Variants in RBFOX1 observed in about 807,000 individuals in gnomAD.
RBFOX1 encodes RNA binding protein fox-1 homolog 1.
A neutral mutation model predicts 57.7 loss-of-function variants in RBFOX1; 8 were observed. That is an observed-to-expected ratio of 0.14 (90% CI 0.08 to 0.25). The LOEUF (loss-of-function observed/expected upper bound fraction) is 0.25, where lower values mean the gene tolerates loss of function less well. Ranked by LOEUF, RBFOX1 falls within the 10% of genes least tolerant of loss-of-function variation. The pLI is 1.00. For synonymous variants in RBFOX1, 326 were observed against 222.4 expected (o/e 1.47, Z -4.15); for missense variants, 611 against 548.5 (o/e 1.11, Z -1.14).
At chr16:6,048,412 A>G (rs2095517307) in intron 1 of RBFOX1, among the ~76,000 whole-genome samples, 1 of 152,314 alleles carries the variant, frequency 6.6e-6, no homozygotes, top group Middle Eastern at 3.4e-3. Flanking sequence ...AAACCTTCCA[A>G]ATTGTGATTT....
chr16:6,054,139 C>T (rs1267917802), intron 1 of RBFOX1, among the ~76,000 whole-genome samples: 1 of 152,092 alleles, frequency 6.6e-6, no homozygotes, highest in African/African-American at 2.4e-5. Flanking sequence ...CAGTTTGAAG[C>T]AGTGGAGGAA....
At chr16:5,907,032 C>T (rs574520304) in intron 4 of RBFOX1, among the ~76,000 whole-genome samples, 26 of 152,120 alleles carry the variant, frequency 1.7e-4, no homozygotes, top group African/African-American at 4.8e-4. Context: ...CCACTGTGCC[C>T]GGCCCATCTG....
intron 1 of RBFOX1, among the ~76,000 whole-genome samples, chr16:6,123,019 T>C (rs1412835965): frequency 6.6e-6 from 1 of 152,200 alleles, no homozygotes; most frequent in East Asian, 1.9e-4. Context: ...ATTAGCATTT[T>C]AACACACATG....
chr16:6,949,767 C>T (rs1016912300), intron 3 of RBFOX1, among the ~76,000 whole-genome samples: 1 of 151,742 alleles, frequency 6.6e-6, no homozygotes, highest in Non-Finnish European at 1.5e-5. Context: ...GGACACAATT[C>T]GGTTCTGGGA....
chr16:6,793,360 C>A (rs1446784124), intron 3 of RBFOX1, among the ~76,000 whole-genome samples: 1 of 152,004 alleles, frequency 6.6e-6, no homozygotes, highest in Non-Finnish European at 1.5e-5. Context: ...TGATTTTCTT[C>A]CATTGAGATT....
Position 6,361,619 on chromosome 16 carries a change from C to T in RBFOX1, c.-64+44562C>T, listed in dbSNP as rs368744779. On this transcript the variant is annotated intron_variant, in intron 2 of 15. Transcript: ENST00000550418. ...TTCCAGCCTGGGTGACACATTGAGA[C>T]TCTGTCTCTAAAAAAAAAAAAAAAA... Among the ~76,000 whole-genome samples the T allele has an allele frequency of 1.1e-3, 159 of 146,380 alleles. 2 individuals are homozygous for T. The East Asian group carries it at 0.018, about 17-fold the overall frequency.
Position 5,409,068 on chromosome 16 carries a change from C to G in RBFOX1, c.220-58148C>G, listed in dbSNP as rs541546583. 9.9e-5 allele frequency among the ~76,000 whole-genome samples: 15 copies of G among 152,184 alleles called. No homozygotes were observed. The South Asian group carries it at 1.7e-3, about 17-fold the overall frequency. On this transcript the variant is annotated intron_variant, in intron 1 of 2. Coordinates refer to the RBFOX1 transcript ENST00000585867. ...TGTTGGAATTTCAGATGGAGCTGTG[C>G]TAAGTGTTAAGGTAGGGTGGGCATA...
At chr16:5,922,680 A>G (rs1334938705) in intron 4 of RBFOX1, among the ~76,000 whole-genome samples, 2 of 152,136 alleles carry the variant, frequency 1.3e-5, no homozygotes, top group African/African-American at 4.8e-5. Flanking sequence ...CATATAATTT[A>G]TTTATCTATT....
At chr16:6,955,888 T>G (rs999493787) in intron 3 of RBFOX1, among the ~76,000 whole-genome samples, 1 of 152,034 alleles carries the variant, frequency 6.6e-6, no homozygotes, top group African/African-American at 2.4e-5. Flanking sequence ...GTAATTTTAG[T>G]AGAGATGGGG....
chr16:7,405,444 C>G (rs371503550), intron 4 of RBFOX1, among the ~76,000 whole-genome samples: 44 of 152,106 alleles, frequency 2.9e-4, no homozygotes, highest in East Asian at 1.5e-3. Flanking sequence ...GAGCTCCGGG[C>G]GAAGTGTGTT....
intron 3 of RBFOX1, among the ~76,000 whole-genome samples, chr16:5,641,713 G>T (rs1215368965): frequency 6.6e-6 from 1 of 152,200 alleles, no homozygotes; most frequent in African/African-American, 2.4e-5. Context: ...TGTTGACTTT[G>T]TCTTAGGAAT....
intron 1 of RBFOX1, among the ~76,000 whole-genome samples, chr16:5,457,505 C>T (rs2068665598): frequency 6.6e-6 from 1 of 152,178 alleles, no homozygotes; most frequent in African/African-American, 2.4e-5. Context: ...GATCACCTCC[C>T]ATTGGACCCA....
At chr16:7,325,082 G>A (rs2096594029) in intron 4 of RBFOX1, among the ~76,000 whole-genome samples, 1 of 152,180 alleles carries the variant, frequency 6.6e-6, no homozygotes, top group South Asian at 2.1e-4. Context: ...GCAATTAGCG[G>A]TTGAAGGGAG....
intron 3 of RBFOX1, among the ~76,000 whole-genome samples, chr16:7,013,243 C>CT (rs1183472482): frequency 2.0e-5 from 3 of 152,090 alleles, no homozygotes; most frequent in Non-Finnish European, 2.9e-5. Context: ...TGAAAAAATG[C>CT]TTGTAGTCCC....
At chr16:5,775,459 A>T (rs78936590) in intron 3 of RBFOX1, among the ~76,000 whole-genome samples, 4,026 of 152,296 alleles carry the variant, frequency 0.026, 177 homozygotes, top group African/African-American at 0.091. Flanking sequence ...GGAAAGTAAC[A>T]CGGTGGAAAC....
chr16:6,959,930 C>G (rs562378382), intron 3 of RBFOX1, among the ~76,000 whole-genome samples: 7 of 152,202 alleles, frequency 4.6e-5, no homozygotes, highest in African/African-American at 9.6e-5. Context: ...GAGCGAAACT[C>G]CATCTCATAA....
At chr16:5,960,799 A>C (rs1205859096) in intron 4 of RBFOX1, among the ~76,000 whole-genome samples, 2 of 152,194 alleles carry the variant, frequency 1.3e-5, no homozygotes, top group Non-Finnish European at 2.9e-5. Flanking sequence ...AGCCCCTTTT[A>C]TGCAGAATTG....
At chr16:7,264,869 C>T (rs1424261834) in intron 4 of RBFOX1, among the ~76,000 whole-genome samples, 1 of 152,236 alleles carries the variant, frequency 6.6e-6, no homozygotes, top group Non-Finnish European at 1.5e-5. Context: ...AAAATTGATA[C>T]ATGACTATTT....
chr16:6,514,017 C>G (rs981354866), intron 2 of RBFOX1, among the ~76,000 whole-genome samples: 28 of 152,180 alleles, frequency 1.8e-4, no homozygotes, highest in Admixed American at 8.5e-4. Flanking sequence ...GCATGTCCAC[C>G]TTACAGAGAA....
Sources: gnomAD v4.1 joint callset for allele counts (sites outside exome capture counted in the v4.1 genomes callset) on GRCh38, gnomAD v4.1.1 for gene constraint, MANE v1.5 for transcripts, NCBI Gene and HGNC (gene_info 2026-07-23, HGNC 2026-07-21) for gene names.